PRKN: variants seen among roughly 807,000 people sequenced by gnomAD.
PRKN encodes the protein E3 ubiquitin-protein ligase parkin.
A neutral mutation model predicts 59.5 loss-of-function variants in PRKN; 56 were observed. That is an observed-to-expected ratio of 0.94 (90% CI 0.76 to 1.18). The LOEUF is 1.18. Among genes scored for constraint, PRKN ranks in the 50% most tolerant of loss-of-function variants. The pLI, the probability that PRKN is intolerant of heterozygous loss-of-function variation, is 0.00. For missense variants in PRKN, 657 were observed against 596.4 expected, an observed-to-expected ratio of 1.10 and a Z score of -1.06; for synonymous variants, 250 against 222.1, an observed-to-expected ratio of 1.13 and a Z score of -1.12.
rs543839898 is a variant in PRKN at position 161,771,136 on chromosome 6, T to C, written c.871+14636A>G. ...CTTTGGGAGGCCGAGGTGGGCGGAT[T>C]ACGAGGTCAGGAGATCGAGACCATC... is the stretch of plus-strand genomic sequence containing the variant. On this transcript the variant is annotated intron_variant, in intron 7 of 11. Coordinates refer to ENST00000366898, the MANE Select transcript of PRKN (RefSeq NM_004562.3). Among the ~76,000 whole-genome samples the C allele has an allele frequency of 1.8e-4, 28 of 151,744 alleles. No individual in the cohort carries two copies. In the South Asian group the frequency reaches 4.6e-3, roughly 25 times the overall value.
chr6:161,484,552 T>C lies in PRKN; in HGVS notation c.1083+64302A>G, dbSNP rs1336407920. Among the ~76,000 whole-genome samples, 6 of 152,164 alleles carry C rather than the reference T, an allele frequency of 3.9e-5. No homozygotes were observed. Among genetic ancestry groups the C allele is most frequent in the Admixed American group, 3.9e-4 (6 of 15,280 alleles). On this transcript the variant is annotated intron_variant, in intron 9 of 11. Transcript: ENST00000366898. The surrounding 1 kb of genome is among the most constrained non-coding windows in gnomAD (Gnocchi z 4.9). ...TTTTTAAAGATGAGACAGTTGACAC[T>C]TGGGAAGCTTAGGAAGGTTTCCCAA...
At chr6:161,486,970 T>C (rs1211125144) in intron 9 of PRKN, among the ~76,000 whole-genome samples, 5 of 152,158 alleles carry the variant, frequency 3.3e-5, no homozygotes, top group African/African-American at 1.2e-4. Context: ...TTAGTAACAA[T>C]GCACATCAGT....
At chr6:162,580,835 T>A (rs1186769564) in intron 1 of PRKN, among the ~76,000 whole-genome samples, 1 of 152,204 alleles carries the variant, frequency 6.6e-6, no homozygotes, top group Admixed American at 6.5e-5. Flanking sequence ...TGCTGTAGAA[T>A]CCTGAGCGCT....
intron 6 of PRKN, among the ~76,000 whole-genome samples, chr6:161,791,836 T>C (rs1172620458): frequency 6.6e-6 from 1 of 152,216 alleles, no homozygotes; most frequent in Non-Finnish European, 1.5e-5. Context: ...ACCTCCTCTG[T>C]AGTTCCTCTC....
rs1314974234 is a variant in PRKN, at chr6:161,444,711, G to GCGGTGGAAACAT, written c.1084-57846_1084-57835dup. ...AGCTTTGCACGAGCGCTACCGCGTGGCGGTGGAAACATTTGTTCCCCTTGA... is the reference window on the plus strand; with the variant it reads ...AGCTTTGCACGAGCGCTACCGCGTGGCGGTGGAAACATCGGTGGAAACATTTGTTCCCCTTGA... On this transcript the variant is annotated intron_variant, in intron 9 of 11. Transcript: ENST00000366898. This position sits in a 1 kb window ranked among gnomAD's most constrained non-coding sequence, Gnocchi z 5.6. 6.6e-6 allele frequency among the ~76,000 whole-genome samples: 1 copy of GCGGTGGAAACAT among 152,220 alleles called. No individual in the cohort carries two copies. Among genetic ancestry groups the GCGGTGGAAACAT allele is most frequent in the East Asian group, 1.9e-4 (1 of 5,188 alleles).
chr6:162,527,585 C>G (rs2846502), intron 1 of PRKN, among the ~76,000 whole-genome samples: 6 of 151,954 alleles, frequency 3.9e-5, no homozygotes, highest in African/African-American at 1.5e-4. Context: ...AACTGGGTCA[C>G]GTATAAAGGT....
chr6:162,422,954 CAAAA>C (rs61557917), intron 2 of PRKN, among the ~76,000 whole-genome samples: 2,985 of 65,770 alleles, frequency 0.045, 100 homozygotes, highest in African/African-American at 0.15. Flanking sequence ...TCCAAGAGAC[CAAAA>C]AAAAAAAAAA....
intron 9 of PRKN, among the ~76,000 whole-genome samples, chr6:161,426,402 T>A (rs903740293): frequency 7.2e-5 from 11 of 152,040 alleles, no homozygotes; most frequent in African/African-American, 2.7e-4. Flanking sequence ...GTGGACACCA[T>A]CTAATCAGCT....
intron 3 of PRKN, among the ~76,000 whole-genome samples, chr6:162,213,074 T>C (rs895975630): frequency 3.3e-5 from 5 of 152,172 alleles, no homozygotes; most frequent in East Asian, 3.8e-4. Flanking sequence ...AAGATATAAA[T>C]TGATAATTTA....
At chr6:161,675,823 C>T (rs144890254) in intron 7 of PRKN, among the ~76,000 whole-genome samples, 1 of 152,126 alleles carries the variant, frequency 6.6e-6, no homozygotes, top group Non-Finnish European at 1.5e-5. Context: ...ACAGTTCCTG[C>T]GGAAGGCTTT....
chr6:162,078,771 C>T (rs1778935818), intron 4 of PRKN, among the ~76,000 whole-genome samples: 1 of 151,978 alleles, frequency 6.6e-6, no homozygotes, highest in African/African-American at 2.4e-5. Context: ...TAAAGGCTTT[C>T]TGTTCTCCTG....
At position 161,413,326 on chromosome 6, in the gene PRKN, C is replaced by T. The variant is rs1787676427; in HGVS notation, c.1084-26449G>A. On this transcript the variant is annotated intron_variant, in intron 9 of 11. Coordinates refer to ENST00000366898, the MANE Select transcript of PRKN (RefSeq NM_004562.3). This position sits in a 1 kb window ranked among gnomAD's most constrained non-coding sequence, Gnocchi z 4.4. ...CAGGGTCCTGTCCTCCCTCCGCTTT[C>T]CCTTCACTTCCTGAGTCTCTTTCCA... Among the ~76,000 whole-genome samples, 1 of 152,188 alleles carries T rather than the reference C, an allele frequency of 6.6e-6. No individual in the cohort carries two copies. Among genetic ancestry groups the T allele is most frequent in the Non-Finnish European group, 1.5e-5 (1 of 68,046 alleles).
chr6:162,585,796 G>C (rs1260495767), intron 1 of PRKN, among the ~76,000 whole-genome samples: 1 of 151,312 alleles, frequency 6.6e-6, no homozygotes, highest in African/African-American at 2.4e-5. Flanking sequence ...TCCACCTCCT[G>C]GGTCGAAGCC....
At chr6:162,654,490 GA>G (rs889773754) in intron 1 of PRKN, among the ~76,000 whole-genome samples, 1 of 152,156 alleles carries the variant, frequency 6.6e-6, no homozygotes, top group Non-Finnish European at 1.5e-5. Context: ...ACTGGCATTA[GA>G]TAACAACAAT....
At chr6:162,344,767 C>A (rs1011668920) in intron 2 of PRKN, among the ~76,000 whole-genome samples, 1 of 152,132 alleles carries the variant, frequency 6.6e-6, no homozygotes, top group African/African-American at 2.4e-5. Context: ...CCTTTCTGGG[C>A]TGCAGGTTTG....
At chr6:162,691,622 C>G (rs1371763565) in intron 1 of PRKN, among the ~76,000 whole-genome samples, 2 of 152,158 alleles carry the variant, frequency 1.3e-5, no homozygotes, top group African/African-American at 4.8e-5. Context: ...ATGAAAGGCT[C>G]TGAGAATTCT....
At chr6:161,520,920 G>A (rs1032831702) in intron 9 of PRKN, among the ~76,000 whole-genome samples, 1 of 152,154 alleles carries the variant, frequency 6.6e-6, no homozygotes, top group Non-Finnish European at 1.5e-5. Flanking sequence ...ACCCATAAAT[G>A]CTTCTTGAAA....
At chr6:162,400,012 C>A (rs1787681933) in intron 2 of PRKN, among the ~76,000 whole-genome samples, 1 of 152,088 alleles carries the variant, frequency 6.6e-6, no homozygotes, top group Admixed American at 6.6e-5. Flanking sequence ...TTGAGACCAG[C>A]CTGGTCCACC....
rs369706590 is a variant in PRKN, at chr6:161,895,850, A to T, written c.734+77452T>A. ...GAATGGATGAGGGCACAGTGGGGGT[A>T]AGGGGCAGGGTTGGAGGGAAGAATT... is the stretch of plus-strand genomic sequence containing the variant. On this transcript the variant is annotated intron_variant, in intron 6 of 11. Coordinates refer to ENST00000366898, the MANE Select transcript of PRKN (RefSeq NM_004562.3). Among the ~76,000 whole-genome samples, 59 of 152,324 alleles carry T rather than the reference A, an allele frequency of 3.9e-4. 2 individuals are homozygous for T. The South Asian group carries it at 0.011, about 29-fold the overall frequency.
Sources: allele counts gnomAD v4.1 joint callset (sites outside exome capture counted in the v4.1 genomes callset), GRCh38; gene constraint gnomAD v4.1.1; non-coding constraint Gnocchi (gnomAD v3.1); transcripts MANE v1.5; gene names NCBI Gene and HGNC (gene_info 2026-07-23, HGNC 2026-07-21).